Variants in CPNE4 observed in about 807,000 individuals in gnomAD.
CPNE4 encodes the protein copine 4.
In CPNE4, 25 loss-of-function variants were observed where a neutral mutation model predicts 67.9. That is an observed-to-expected ratio of 0.37 (90% CI 0.27 to 0.51). The LOEUF is 0.51. Ranked by LOEUF, CPNE4 falls within the 20% of genes least tolerant of loss-of-function variation. CPNE4 has a pLI of 0.93. For synonymous variants in CPNE4, 242 were observed against 244.9 expected (o/e 0.99, Z 0.11); for missense variants, 464 against 690.8 (o/e 0.67, Z 3.68).
At chr3:131,888,282 C>A (rs2087973066) in intron 2 of CPNE4, among the ~76,000 whole-genome samples, 1 of 152,106 alleles carries the variant, frequency 6.6e-6, no homozygotes, top group Non-Finnish European at 1.5e-5. Context: ...ATCCTAGTTT[C>A]TCCAGAATTC....
chr3:131,905,147 T>G, intron 2 of CPNE4, 117 bp downstream of exon 2: 1 of 886,568 alleles, frequency 1.1e-6, no homozygotes, highest in Non-Finnish European at 1.8e-6. Flanking sequence ...TGTGATCATA[T>G]TCACTTCTCA....
chr3:131,883,556 C>T (rs1035228838), intron 2 of CPNE4, among the ~76,000 whole-genome samples: 1 of 152,210 alleles, frequency 6.6e-6, no homozygotes, highest in Admixed American at 6.5e-5. Flanking sequence ...CCTCCAATGG[C>T]CTCCCATTAC....
At chr3:131,895,678 T>C (rs1251061941) in intron 2 of CPNE4, among the ~76,000 whole-genome samples, 2 of 152,110 alleles carry the variant, frequency 1.3e-5, no homozygotes, top group Non-Finnish European at 2.9e-5. Context: ...TGAATGCATT[T>C]TGATATATTT....
At position 131,750,480 on chromosome 3, in the gene CPNE4, G is replaced by A. The variant is rs150909004; in HGVS notation, c.181-26855C>T. ...TGCATCTCATTGAGTATTATTTTTA[G>A]TGGTTGCTCTAGGTATTACATTGTA... On this transcript the variant is annotated intron_variant, in intron 2 of 15. Coordinates refer to ENST00000429747, the MANE Select transcript of CPNE4 (RefSeq NM_130808.3). 4.9e-3 allele frequency among the ~76,000 whole-genome samples: 748 copies of A among 152,114 alleles called. 7 individuals are homozygous for A. The highest frequency in any genetic ancestry group is 0.017 in the African/African-American group (709 of 41,504).
chr3:131,597,967 T>C (rs1045025309), intron 7 of CPNE4, among the ~76,000 whole-genome samples: 18 of 152,174 alleles, frequency 1.2e-4, no homozygotes, highest in Admixed American at 3.3e-4. Context: ...CTATGACAAT[T>C]CTCTGAGTGT....
intron 1 of CPNE4, among the ~76,000 whole-genome samples, chr3:131,983,982 A>G (rs1299041834): frequency 6.6e-6 from 1 of 152,114 alleles, no homozygotes; most frequent in Admixed American, 6.5e-5. Flanking sequence ...TGAATTCAGT[A>G]CTCCTGCCAA....
At chr3:131,625,226 T>C (rs2079045136) in intron 7 of CPNE4, among the ~76,000 whole-genome samples, 1 of 152,238 alleles carries the variant, frequency 6.6e-6, no homozygotes, top group Non-Finnish European at 1.5e-5. Flanking sequence ...GGAACTATTA[T>C]TTAAAGAAAC....
At chr3:131,914,249 G>A (rs933403105) in intron 1 of CPNE4, among the ~76,000 whole-genome samples, 1 of 152,150 alleles carries the variant, frequency 6.6e-6, no homozygotes, top group Non-Finnish European at 1.5e-5. Context: ...CAGAACTTAT[G>A]CCCTTAACCA....
At chr3:132,027,845 T>C (rs1372600919) in intron 1 of CPNE4, among the ~76,000 whole-genome samples, 1 of 152,106 alleles carries the variant, frequency 6.6e-6, no homozygotes, top group African/African-American at 2.4e-5. Context: ...GATAAAGTAT[T>C]GTTTTGGGCC....
chr3:131,833,487 A>G (rs970071159), intron 2 of CPNE4, among the ~76,000 whole-genome samples: 1 of 152,172 alleles, frequency 6.6e-6, no homozygotes, highest in Non-Finnish European at 1.5e-5. Flanking sequence ...TGAGCCCAGG[A>G]GTTTGAGACA....
At chr3:131,779,179 T>C (rs775876251) in intron 2 of CPNE4, among the ~76,000 whole-genome samples, 10 of 151,742 alleles carry the variant, frequency 6.6e-5, no homozygotes, top group Non-Finnish European at 1.3e-4. Context: ...CTGAAAGAAA[T>C]CAGAGACTAC....
intron 7 of CPNE4, among the ~76,000 whole-genome samples, chr3:131,659,151 A>G (rs2080058221): frequency 2.0e-5 from 3 of 152,244 alleles, no homozygotes; most frequent in Admixed American, 2.0e-4. Context: ...AAACTAAATA[A>G]ACAATCAAGT....
chr3:131,982,178 A>G (rs2072924861), intron 1 of CPNE4, among the ~76,000 whole-genome samples: 1 of 152,156 alleles, frequency 6.6e-6, no homozygotes, highest in African/African-American at 2.4e-5. Context: ...CTAAATCTAC[A>G]TTGCTTGACT....
chr3:132,001,042 A>C (rs1453996654), intron 1 of CPNE4, among the ~76,000 whole-genome samples: 1 of 152,032 alleles, frequency 6.6e-6, no homozygotes, highest in Non-Finnish European at 1.5e-5. Flanking sequence ...GACCATGTCA[A>C]AACAAAGTTG....
chr3:132,020,190 C>G (rs1397588768), intron 1 of CPNE4, among the ~76,000 whole-genome samples: 1 of 152,202 alleles, frequency 6.6e-6, no homozygotes, highest in Non-Finnish European at 1.5e-5. Flanking sequence ...TGTTCACTGC[C>G]TGCCTGCTTT....
At chr3:131,623,221 T>C (rs560251724) in intron 7 of CPNE4, among the ~76,000 whole-genome samples, 1 of 139,098 alleles carries the variant, frequency 7.2e-6, no homozygotes, top group East Asian at 2.0e-4. Context: ...AGTGACATAC[T>C]TAAACTGAAA....
At chr3:131,767,776 ATATTTATTTATT>A (rs72170030) in intron 2 of CPNE4, among the ~76,000 whole-genome samples, 37 of 149,818 alleles carry the variant, frequency 2.5e-4, no homozygotes, top group African/African-American at 5.9e-4. Context: ...CTCAGATTAT[ATATTTATTTATT>A]TATTTATTTA....
intron 2 of CPNE4, among the ~76,000 whole-genome samples, chr3:131,819,109 A>C (rs1392474004): frequency 1.3e-5 from 2 of 152,114 alleles, no homozygotes; most frequent in African/African-American, 2.4e-5. Context: ...CAAAACAAAA[A>C]AACACAAACA....
intron 3 of CPNE4, among the ~76,000 whole-genome samples, chr3:131,710,024 G>A (rs1560157902): frequency 1.3e-5 from 2 of 152,172 alleles, no homozygotes; most frequent in Admixed American, 6.5e-5. Flanking sequence ...AGCTCCATGA[G>A]GCAGGGCTTT....
Sources: allele counts gnomAD v4.1 joint callset (sites outside exome capture counted in the v4.1 genomes callset), GRCh38; gene constraint gnomAD v4.1.1; transcripts MANE v1.5; gene names NCBI Gene and HGNC (gene_info 2026-07-23, HGNC 2026-07-21).